The following CCSER1 variants were observed in gnomAD, a reference collection of about 807,000 sequenced individuals.
The protein encoded by CCSER1 is serine-rich coiled-coil domain-containing protein 1.
CCSER1 carries 41 observed loss-of-function variants against 82.0 expected under a neutral mutation model. The ratio of observed to expected loss-of-function variants is 0.50; its 90% CI spans 0.39 to 0.65. The LOEUF is 0.65. CCSER1 is among the 30% of genes least tolerant of loss of function. The probability of loss-of-function intolerance (pLI) is 0.00; values close to 1 mark genes in which losing one functional copy is unlikely to be tolerated. For missense variants in CCSER1, 1,119 were observed against 1,064.2 expected (o/e 1.05, Z -0.72); for synonymous variants, 414 against 383.9 (o/e 1.08, Z -0.92).
chr4:90,444,462 T>TG (rs1760350941), intron 4 of CCSER1, among the ~76,000 whole-genome samples: 1 of 152,064 alleles, frequency 6.6e-6, no homozygotes, highest in Non-Finnish European at 1.5e-5. Flanking sequence ...TATTTATAGT[T>TG]GGTTTTTGCC....
At chr4:90,914,859 A>G (rs771316304) in intron 8 of CCSER1, among the ~76,000 whole-genome samples, 31 of 152,200 alleles carry the variant, frequency 2.0e-4, no homozygotes, top group Non-Finnish European at 3.4e-4. Flanking sequence ...CAGAAATACA[A>G]ACTACCATCA....
At chr4:90,957,207 A>G (rs775336905) in intron 9 of CCSER1, among the ~76,000 whole-genome samples, 13 of 143,580 alleles carry the variant, frequency 9.1e-5, no homozygotes, top group Non-Finnish European at 1.4e-4. Context: ...GGTTCAAGCA[A>G]TTCTCTGCCT....
intron 4 of CCSER1, among the ~76,000 whole-genome samples, chr4:90,436,194 G>C (rs1758973198): frequency 6.6e-6 from 1 of 152,016 alleles, no homozygotes; most frequent in Non-Finnish European, 1.5e-5. Context: ...AGGTATACTA[G>C]CATAATCAGT....
At chr4:91,167,835 A>G (rs1197858242) in intron 10 of CCSER1, among the ~76,000 whole-genome samples, 1 of 152,246 alleles carries the variant, frequency 6.6e-6, no homozygotes. Context: ...CCTAACAAAT[A>G]AATAATACGC....
At chr4:91,075,478 C>T (rs1721884954) in intron 9 of CCSER1, among the ~76,000 whole-genome samples, 1 of 152,020 alleles carries the variant, frequency 6.6e-6, no homozygotes, top group South Asian at 2.1e-4. Context: ...TGAAGAATAA[C>T]AAAGTGGATT....
chr4:90,760,800 G>A (rs1366157282), intron 7 of CCSER1, among the ~76,000 whole-genome samples: 2 of 151,944 alleles, frequency 1.3e-5, no homozygotes, highest in Admixed American at 6.6e-5. Context: ...TGATGCTGAG[G>A]TTACAAAAAC....
intron 9 of CCSER1, among the ~76,000 whole-genome samples, chr4:91,020,488 C>A (rs576122575): frequency 6.6e-6 from 1 of 152,140 alleles, no homozygotes; most frequent in East Asian, 1.9e-4. Flanking sequence ...CAGTGAAACC[C>A]CGTCTCTACT....
At chr4:90,471,640 A>G (rs1030415658) in intron 5 of CCSER1, among the ~76,000 whole-genome samples, 4 of 151,718 alleles carry the variant, frequency 2.6e-5, no homozygotes, top group African/African-American at 9.7e-5. Context: ...TGCCCTTATG[A>G]TATCAGTTTT....
chr4:91,431,128 C>CG (rs1166463795), intron 10 of CCSER1, among the ~76,000 whole-genome samples: 5 of 152,118 alleles, frequency 3.3e-5, no homozygotes, highest in African/African-American at 9.6e-5. Context: ...CCCAGCTACT[C>CG]GGCAGGCTGA....
At chr4:91,441,796 CA>C (rs1755173402) in intron 10 of CCSER1, among the ~76,000 whole-genome samples, 1 of 151,996 alleles carries the variant, frequency 6.6e-6, no homozygotes, top group Non-Finnish European at 1.5e-5. Context: ...AATCAATGTG[CA>C]AAAATCACAA....
intron 5 of CCSER1, among the ~76,000 whole-genome samples, chr4:90,523,327 A>T (rs78660851): frequency 2.1e-3 from 320 of 152,250 alleles, no homozygotes; most frequent in African/African-American, 7.1e-3. Context: ...ATAATAGACA[A>T]CTCATCACCA....
chr4:91,540,933 C>T (rs1487485396), intron 10 of CCSER1, among the ~76,000 whole-genome samples: 1 of 152,158 alleles, frequency 6.6e-6, no homozygotes, highest in African/African-American at 2.4e-5. Flanking sequence ...ACCACACTGT[C>T]TTGATTACTA....
At chr4:90,364,642 A>G (rs1745950285) in intron 3 of CCSER1, among the ~76,000 whole-genome samples, 1 of 152,002 alleles carries the variant, frequency 6.6e-6, no homozygotes, top group Non-Finnish European at 1.5e-5. Flanking sequence ...TTGCATTTTT[A>G]TTACTATGTA....
At chr4:91,082,854 CAATGAGAT>C (rs974701182) in intron 9 of CCSER1, among the ~76,000 whole-genome samples, 1 of 152,170 alleles carries the variant, frequency 6.6e-6, no homozygotes, top group African/African-American at 2.4e-5. Context: ...ATCAAAACCA[CAATGAGAT>C]ACCATCTCAC....
intron 10 of CCSER1, among the ~76,000 whole-genome samples, chr4:91,409,792 C>T (rs1752921249): frequency 6.6e-6 from 1 of 152,136 alleles, no homozygotes; most frequent in Admixed American, 6.6e-5. Context: ...AAGCGATTCT[C>T]CTGCCTCAGC....
intron 4 of CCSER1, among the ~76,000 whole-genome samples, chr4:90,406,019 A>G (rs1286196609): frequency 6.6e-6 from 1 of 152,204 alleles, no homozygotes; most frequent in African/African-American, 2.4e-5. Flanking sequence ...TCTCAATATT[A>G]ACATTGAATG....
chr4:90,379,606 T>C (rs927000341), intron 3 of CCSER1, among the ~76,000 whole-genome samples: 6 of 152,066 alleles, frequency 3.9e-5, no homozygotes, highest in Admixed American at 6.6e-5. Flanking sequence ...ATTATCCCAG[T>C]AGAGTGAGGC....
At chr4:91,076,065 T>C (rs1165247472) in intron 9 of CCSER1, among the ~76,000 whole-genome samples, 1 of 152,178 alleles carries the variant, frequency 6.6e-6, no homozygotes, top group Admixed American at 6.6e-5. Flanking sequence ...ATAGAATTAA[T>C]GAATCTTACT....
intron 9 of CCSER1, among the ~76,000 whole-genome samples, chr4:91,072,406 A>C (rs1721532629): frequency 1.3e-5 from 2 of 152,028 alleles, no homozygotes; most frequent in African/African-American, 4.8e-5. Flanking sequence ...CCCCACAGTT[A>C]TTTTCAAATC....
Sources: allele counts gnomAD v4.1 joint callset (sites outside exome capture counted in the v4.1 genomes callset), GRCh38; gene constraint gnomAD v4.1.1; transcripts MANE v1.5; gene names NCBI Gene and HGNC (gene_info 2026-07-23, HGNC 2026-07-21).